The following CSMD1 variants were observed in gnomAD, a reference collection of about 807,000 sequenced individuals.
CSMD1 encodes the protein CUB and Sushi multiple domains 1, also known as CUB and sushi domain-containing protein 1.
A neutral mutation model predicts 417.5 loss-of-function variants in CSMD1; 213 were observed. That is an observed-to-expected ratio of 0.51 (90% CI 0.46 to 0.57). The LOEUF (loss-of-function observed/expected upper bound fraction) is 0.57. Among genes scored for constraint, CSMD1 ranks in the 20% least tolerant of loss-of-function variants. The probability of loss-of-function intolerance (pLI) is 0.00; values close to 1 mark genes in which losing one functional copy is unlikely to be tolerated. For missense variants in CSMD1, 6,923 were observed against 4,529.7 expected, an observed-to-expected ratio of 1.53 and a Z score of -15.17; for synonymous variants, 2,862 against 1,736.8, an observed-to-expected ratio of 1.65 and a Z score of -16.11.
intron 8 of CSMD1, 124 bp from the exon 9 acceptor site, chr8:3,586,384 A>C: frequency 2.2e-6 from 2 of 890,030 alleles, no homozygotes; most frequent in African/African-American, 1.7e-5. Context: ...TAAGACATTA[A>C]GCAACTCATT....
intron 3 of CSMD1, among the ~76,000 whole-genome samples, chr8:4,209,649 G>A (rs773450523): frequency 6.6e-6 from 1 of 152,136 alleles, no homozygotes; most frequent in East Asian, 1.9e-4. Flanking sequence ...GCCTGGGAGG[G>A]TTGTTGGCTT....
At chr8:4,141,580 T>C (rs35314379) in intron 3 of CSMD1, among the ~76,000 whole-genome samples, 45,285 of 150,726 alleles carry the variant, frequency 0.3, 8,454 homozygotes, top group Non-Finnish European at 0.39. Flanking sequence ...ACAGAACGAG[T>C]AACTGTACTA....
chr8:4,042,479 G>A (rs1163773802), intron 3 of CSMD1, among the ~76,000 whole-genome samples: 1 of 151,974 alleles, frequency 6.6e-6, no homozygotes, highest in Admixed American at 6.6e-5. Flanking sequence ...ACAGGGTAGA[G>A]AAACAAGTTC....
intron 12 of CSMD1, among the ~76,000 whole-genome samples, chr8:3,461,717 A>G (rs1816516886): frequency 6.6e-6 from 1 of 152,222 alleles, no homozygotes; most frequent in Non-Finnish European, 1.5e-5. Flanking sequence ...GGCCCTAATC[A>G]GGAGAAAAAG....
chr8:4,031,254 T>C (rs757081083), intron 4 of CSMD1, among the ~76,000 whole-genome samples: 3 of 152,198 alleles, frequency 2.0e-5, no homozygotes, highest in Non-Finnish European at 2.9e-5. Context: ...GATAAAGACA[T>C]ACCTGAGCCT....
chr8:3,593,944 T>C (rs559855837), intron 8 of CSMD1, among the ~76,000 whole-genome samples: 6 of 152,326 alleles, frequency 3.9e-5, no homozygotes, highest in Non-Finnish European at 8.8e-5. Flanking sequence ...ATGGGGAGTT[T>C]CCTGAACAAG....
At chr8:3,103,688 T>A (rs1395588345) in intron 46 of CSMD1, among the ~76,000 whole-genome samples, 1 of 151,766 alleles carries the variant, frequency 6.6e-6, no homozygotes, top group African/African-American at 2.4e-5. Context: ...GAATTAAACG[T>A]CATTTAAATA....
rs535323084 is a variant in CSMD1, at chr8:4,475,238, C to T, written c.303-55173G>A. Among the ~76,000 whole-genome samples the T allele has an allele frequency of 6.6e-5, 10 of 152,288 alleles. No individual in the cohort carries two copies. In the East Asian group the frequency reaches 1.9e-3, roughly 29 times the overall value. ...GTGGATGGCATTCAATACTGTTTAT[C>T]TATTTCCTCCCTCCCTCTCTCACTC... On this transcript the variant is annotated intron_variant, in intron 2 of 69. Transcript: ENST00000635120.
chr8:4,163,474 T>A (rs1797281815), intron 3 of CSMD1, among the ~76,000 whole-genome samples: 1 of 152,372 alleles, frequency 6.6e-6, no homozygotes, highest in Non-Finnish European at 1.5e-5. Context: ...GAGTTACTTT[T>A]ATTTAGATTT....
At chr8:3,162,081 G>A (rs1585519990) in intron 38 of CSMD1, 78 bp downstream of exon 38, 4 of 894,278 alleles carry the variant, frequency 4.5e-6, no homozygotes, top group East Asian at 5.3e-5. Context: ...TGGGTACAAA[G>A]TGAGGGCTTT....
At chr8:3,192,639 C>A (rs567979866) in intron 33 of CSMD1, among the ~76,000 whole-genome samples, 4 of 152,156 alleles carry the variant, frequency 2.6e-5, no homozygotes, top group East Asian at 3.9e-4. Context: ...TGGTGGGCAG[C>A]CATTTTATAC....
intron 1 of CSMD1, among the ~76,000 whole-genome samples, chr8:4,930,886 G>T (rs936291649): frequency 6.6e-6 from 1 of 152,158 alleles, no homozygotes; most frequent in Admixed American, 6.5e-5. Context: ...ATTACTGTAT[G>T]TCTAGTTTTC....
chr8:4,726,805 A>G (rs2116935537), intron 1 of CSMD1, among the ~76,000 whole-genome samples: 1 of 152,314 alleles, frequency 6.6e-6, no homozygotes, highest in African/African-American at 2.4e-5. Flanking sequence ...ATAACACAAC[A>G]ATTGACTTGA....
At chr8:4,973,191 G>C (rs904604110) in intron 1 of CSMD1, among the ~76,000 whole-genome samples, 4 of 151,934 alleles carry the variant, frequency 2.6e-5, no homozygotes, top group Non-Finnish European at 5.9e-5. Flanking sequence ...TTACTTTTTA[G>C]TGCCTTTTTG....
rs573987779 is a variant in CSMD1, at chr8:4,047,292, G to C, written c.416-15193C>G. On this transcript the variant is annotated intron_variant, in intron 3 of 69. Coordinates refer to ENST00000635120, the MANE Select transcript of CSMD1 (RefSeq NM_033225.6). ...TCTGGAGTGGGAGGAAGGGAGGAAG[G>C]AGAGAGACATAAAGTGGAATATTCT... 2.0e-5 allele frequency among the ~76,000 whole-genome samples: 3 copies of C among 152,256 alleles called. No homozygotes were observed. The East Asian group carries it at 5.8e-4, about 29-fold the overall frequency.
chr8:4,679,455 C>T (rs754221557), intron 1 of CSMD1, among the ~76,000 whole-genome samples: 2 of 152,176 alleles, frequency 1.3e-5, no homozygotes, highest in Non-Finnish European at 1.5e-5. Context: ...TTAGACTAGT[C>T]ATCCTCACTC....
chr8:4,562,142 AT>A (rs1377381783), intron 2 of CSMD1, among the ~76,000 whole-genome samples: 2 of 152,204 alleles, frequency 1.3e-5, no homozygotes, highest in Non-Finnish European at 2.9e-5. Flanking sequence ...GGTATCGTTA[AT>A]TAAGAGCAGA....
intron 5 of CSMD1, among the ~76,000 whole-genome samples, chr8:3,903,728 C>T (rs371495844): frequency 1.9e-4 from 29 of 152,278 alleles, no homozygotes; most frequent in African/African-American, 6.7e-4. Flanking sequence ...GCCAACAGGA[C>T]ATCATCAACT....
intron 3 of CSMD1, among the ~76,000 whole-genome samples, chr8:4,092,149 A>G (rs1485919949): frequency 1.3e-5 from 2 of 152,208 alleles, no homozygotes; most frequent in Non-Finnish European, 2.9e-5. Context: ...ATTTTTCCTT[A>G]AATTCTACTA....
Sources: gnomAD v4.1 joint callset for allele counts (sites outside exome capture counted in the v4.1 genomes callset) on GRCh38, gnomAD v4.1.1 for gene constraint, MANE v1.5 for transcripts, NCBI Gene and HGNC (gene_info 2026-07-23, HGNC 2026-07-21) for gene names.